RAP1A: variants seen among roughly 807,000 people sequenced by gnomAD.
RAP1A encodes ras-related protein Rap-1A.
In RAP1A, 6 loss-of-function variants were observed where a neutral mutation model predicts 26.4. The observed-to-expected ratio is 0.23, with a 90% CI of 0.12 to 0.45. RAP1A has a LOEUF of 0.45. Among genes scored for constraint, RAP1A ranks in the 20% least tolerant of loss-of-function variants. The pLI is 0.99. For missense variants in RAP1A, 121 were observed against 217.2 expected, an observed-to-expected ratio of 0.56 and a Z score of 2.78; for synonymous variants, 73 against 79.4, an observed-to-expected ratio of 0.92 and a Z score of 0.43.
intron 1 of RAP1A, among the ~76,000 whole-genome samples, chr1:111,662,606 T>C (rs574036044): frequency 6.6e-6 from 1 of 152,144 alleles, no homozygotes; most frequent in African/African-American, 2.4e-5. Context: ...GATGCTCTTA[T>C]ATGAGCAAAC....
At chr1:111,637,308 G>C (rs1445717086) in intron 1 of RAP1A, among the ~76,000 whole-genome samples, 1 of 152,072 alleles carries the variant, frequency 6.6e-6, no homozygotes, top group East Asian at 1.9e-4. Context: ...GTAATACCAA[G>C]TTCACTGTAG....
intron 1 of RAP1A, among the ~76,000 whole-genome samples, chr1:111,659,265 CAGTA>C (rs1660557740): frequency 6.6e-6 from 1 of 152,068 alleles, no homozygotes; most frequent in African/African-American, 2.4e-5. Flanking sequence ...AAATTAGTCA[CAGTA>C]AGAGACTGAC....
chr1:111,657,933 C>T (rs1660514811), intron 1 of RAP1A, among the ~76,000 whole-genome samples: 1 of 152,130 alleles, frequency 6.6e-6, no homozygotes, highest in African/African-American at 2.4e-5. Flanking sequence ...TTTTCTTGAT[C>T]TTTCTGTTAC....
chr1:111,588,074 A>G lies in RAP1A; in HGVS notation c.-28+45565A>G, dbSNP rs140571144. 3.9e-4 allele frequency among the ~76,000 whole-genome samples: 59 copies of G among 152,282 alleles called. No homozygotes were observed. The East Asian group carries it at 0.01, about 27-fold the overall frequency. Reference sequence around the variant, plus strand: ...GAAACTTCTCTCTGCGTTGATGATAACAGGTCTCAAACTCATCATCTTCCC... The same window carrying G: ...GAAACTTCTCTCTGCGTTGATGATAGCAGGTCTCAAACTCATCATCTTCCC... On this transcript the variant is annotated intron_variant, in intron 1 of 7. Coordinates refer to the RAP1A transcript ENST00000356415.
At chr1:111,662,864 A>G (rs192284212) in intron 1 of RAP1A, among the ~76,000 whole-genome samples, 1 of 152,336 alleles carries the variant, frequency 6.6e-6, no homozygotes, top group East Asian at 1.9e-4. Flanking sequence ...CACAACTTAT[A>G]GATCCTGATT....
rs1662472930 is a variant in RAP1A, at chr1:111,714,376, A to G, written c.*1975A>G. The G allele has an allele frequency of 6.6e-6, 1 of 152,234 alleles. No individual in the cohort carries two copies. The highest frequency in any genetic ancestry group is 2.1e-4 in the South Asian group (1 of 4,830). The allele number at this position is 152,234 out of a possible 1,614,324, so 9.4% of individuals were successfully genotyped here. A position where few individuals can be genotyped will look rare whatever the true frequency, so the allele number is the denominator to read the frequency against. ...TTTAAACTTAAGATCATAGACAGAC[A>G]TCTCATCAACCAGTAAAACTTTCTA... On this transcript the variant is annotated 3_prime_UTR_variant, in exon 8 of 8. Coordinates refer to ENST00000369709, the MANE Select transcript of RAP1A (RefSeq NM_002884.4).
chr1:111,610,701 T>TTTTA (rs1428756160), intron 1 of RAP1A, among the ~76,000 whole-genome samples: 9 of 152,126 alleles, frequency 5.9e-5, no homozygotes, highest in Non-Finnish European at 2.9e-5. Flanking sequence ...GAGTAAGGAG[T>TTTTA]TTTAGCTCAG....
intron 1 of RAP1A, among the ~76,000 whole-genome samples, chr1:111,574,920 G>A (rs1246639961): frequency 6.6e-6 from 1 of 152,186 alleles, no homozygotes; most frequent in Non-Finnish European, 1.5e-5. Flanking sequence ...TGCTATAGCA[G>A]TAGATAGTGT....
intron 1 of RAP1A, among the ~76,000 whole-genome samples, chr1:111,561,123 GGTTT>G (rs1004112234): frequency 2.0e-5 from 3 of 151,988 alleles, no homozygotes; most frequent in South Asian, 2.1e-4. Context: ...TTTGTTTGTT[GGTTT>G]GTTTGTTTGT....
At chr1:111,670,300 T>C (rs895975431) in intron 1 of RAP1A, among the ~76,000 whole-genome samples, 1 of 151,900 alleles carries the variant, frequency 6.6e-6, no homozygotes, top group Non-Finnish European at 1.5e-5. Context: ...GGCGAAACCC[T>C]GTCTCTACCA....
intron 1 of RAP1A, among the ~76,000 whole-genome samples, chr1:111,681,566 A>G (rs1041708429): frequency 5.9e-5 from 9 of 152,200 alleles, no homozygotes; most frequent in South Asian, 2.1e-4. Flanking sequence ...ACAAGTATCA[A>G]TAGCTGAATT....
chr1:111,641,634 C>T (rs558479303), intron 1 of RAP1A, among the ~76,000 whole-genome samples: 3 of 151,192 alleles, frequency 2.0e-5, no homozygotes, highest in East Asian at 3.9e-4. Flanking sequence ...GGGGTGTGTG[C>T]GTGTGTGTGT....
At chr1:111,659,087 A>AC (rs1660553336) in intron 1 of RAP1A, among the ~76,000 whole-genome samples, 1 of 149,342 alleles carries the variant, frequency 6.7e-6, no homozygotes, top group Non-Finnish European at 1.5e-5. Flanking sequence ...TTAGCATGAT[A>AC]TATTTTTCTT....
chr1:111,648,994 A>C (rs568920324), intron 1 of RAP1A: 1 of 625,494 alleles, frequency 1.6e-6, no homozygotes, highest in South Asian at 1.4e-5. Flanking sequence ...AGCTGCAGCC[A>C]AGTGACATTG....
At chr1:111,609,864 G>T (rs909083582) in intron 1 of RAP1A, among the ~76,000 whole-genome samples, 1 of 152,058 alleles carries the variant, frequency 6.6e-6, no homozygotes, top group African/African-American at 2.4e-5. Context: ...TCACCATGTT[G>T]GCCAGGCTGG....
At chr1:111,558,497 T>C (rs1657602992) in intron 1 of RAP1A, among the ~76,000 whole-genome samples, 1 of 152,146 alleles carries the variant, frequency 6.6e-6, no homozygotes, top group Non-Finnish European at 1.5e-5. Context: ...GGAAATAATT[T>C]TTAAAAAGCA....
intron 1 of RAP1A, among the ~76,000 whole-genome samples, chr1:111,561,732 A>G (rs1177019546): frequency 6.6e-6 from 1 of 151,968 alleles, no homozygotes; most frequent in Non-Finnish European, 1.5e-5. Flanking sequence ...TTTCTCTCAT[A>G]TGTGTGTGTA....
intron 1 of RAP1A, among the ~76,000 whole-genome samples, chr1:111,550,530 T>G (rs1308745020): frequency 2.0e-5 from 3 of 152,238 alleles, no homozygotes; most frequent in African/African-American, 7.2e-5. Flanking sequence ...TTTTCTATGT[T>G]ATGTTTTCAT....
chr1:111,672,132 A>G (rs1380752419), intron 1 of RAP1A, among the ~76,000 whole-genome samples: 1 of 152,142 alleles, frequency 6.6e-6, no homozygotes, highest in Non-Finnish European at 1.5e-5. Flanking sequence ...CAAATCTTCT[A>G]TATATCCTTC....
Sources: allele counts gnomAD v4.1 joint callset (sites outside exome capture counted in the v4.1 genomes callset), GRCh38; gene constraint gnomAD v4.1.1; transcripts MANE v1.5; gene names NCBI Gene and HGNC (gene_info 2026-07-23, HGNC 2026-07-21).